Variants in STPG2 observed in about 807,000 individuals in gnomAD.
The protein encoded by STPG2 is sperm tail PG-rich repeat containing 2, also known as sperm-tail PG-rich repeat-containing protein 2.
In STPG2, 56 loss-of-function variants were observed where a neutral mutation model predicts 54.2. That is an observed-to-expected ratio of 1.03 (90% CI 0.83 to 1.29). The LOEUF is 1.29. STPG2 is among the 50% of genes most tolerant of loss of function. The pLI, the probability that STPG2 is intolerant of heterozygous loss-of-function variation, is 0.00. For missense variants in STPG2, 596 were observed against 544.9 expected (o/e 1.09, Z -0.93); for synonymous variants, 200 against 181.8 (o/e 1.10, Z -0.81).
intron 4 of STPG2, among the ~76,000 whole-genome samples, chr4:97,472,918 C>T (rs1409801258): frequency 6.6e-6 from 1 of 152,216 alleles, no homozygotes; most frequent in Non-Finnish European, 1.5e-5. Context: ...TTTATTAGTT[C>T]TCCAAATTAA....
In STPG2 at chr4:97,840,936, A is replaced by C. The variant is rs771051659; in HGVS notation, c.1045-4T>G. 3.1e-6 allele frequency: 5 copies of C among 1,607,750 alleles called. No individual in the cohort carries two copies. Among genetic ancestry groups the C allele is most frequent in the Non-Finnish European group, 4.2e-6 (5 of 1,176,960 alleles). On this transcript the variant is annotated splice_region_variant and splice_polypyrimidine_tract_variant and intron_variant, in intron 8 of 10. Transcript: ENST00000295268. ...AGCTGCCTGGCGCTGGAATAACCTG[A>C]AAAAAAATTTAATAGATGAGCATAA...
At chr4:97,991,461 A>G (rs2865959) in intron 5 of STPG2, among the ~76,000 whole-genome samples, 94,392 of 128,556 alleles carry the variant, frequency 0.73, 32,392 homozygotes, top group Middle Eastern at 0.84. Context: ...GTGTGTGTGT[A>G]TATATATATA....
chr4:97,637,021 C>T (rs1354781964), intron 10 of STPG2, among the ~76,000 whole-genome samples: 11 of 152,130 alleles, frequency 7.2e-5, no homozygotes, highest in South Asian at 2.1e-4. Flanking sequence ...ATACCAAAGC[C>T]GGGCAGAGAC....
intron 8 of STPG2, among the ~76,000 whole-genome samples, chr4:97,908,657 C>T (rs1360873702): frequency 2.0e-5 from 3 of 151,680 alleles, no homozygotes; most frequent in African/African-American, 7.3e-5. Flanking sequence ...AAATGTGGCA[C>T]ATATACACCA....
At chr4:98,070,386 T>C (rs1304333921) in intron 5 of STPG2, among the ~76,000 whole-genome samples, 1 of 151,894 alleles carries the variant, frequency 6.6e-6, no homozygotes, top group Admixed American at 6.6e-5. Flanking sequence ...AAGAGAAATA[T>C]ATGACAAACC....
At chr4:97,913,953 T>A (rs1426601070) in intron 8 of STPG2, among the ~76,000 whole-genome samples, 1 of 152,130 alleles carries the variant, frequency 6.6e-6, no homozygotes, top group Non-Finnish European at 1.5e-5. Context: ...AACATAAAAT[T>A]ATAATTGCAA....
At chr4:97,676,524 A>G (rs1722851543) in intron 10 of STPG2, among the ~76,000 whole-genome samples, 1 of 147,144 alleles carries the variant, frequency 6.8e-6, no homozygotes, top group Non-Finnish European at 1.5e-5. Flanking sequence ...ACTAAAATGC[A>G]GAAAATAGAG....
intron 2 of STPG2, among the ~76,000 whole-genome samples, chr4:98,132,653 A>G (rs1404367897): frequency 6.6e-6 from 1 of 152,000 alleles, no homozygotes; most frequent in Non-Finnish European, 1.5e-5. Context: ...AGCACTTTAC[A>G]ATTAATTTCT....
chr4:97,452,542 C>A (rs62315841), intron 4 of STPG2, among the ~76,000 whole-genome samples: 13 of 152,134 alleles, frequency 8.5e-5, no homozygotes, highest in Non-Finnish European at 1.3e-4. Flanking sequence ...CCCATAAAAG[C>A]CCCAGGCTCA....
chr4:97,963,602 C>T (rs1322678672), intron 7 of STPG2, among the ~76,000 whole-genome samples: 1 of 151,930 alleles, frequency 6.6e-6, no homozygotes, highest in Non-Finnish European at 1.5e-5. Flanking sequence ...GTGCAGTGAG[C>T]CATACCTGCA....
At chr4:98,100,005 A>G (rs765798885) in intron 5 of STPG2, among the ~76,000 whole-genome samples, 7 of 152,188 alleles carry the variant, frequency 4.6e-5, no homozygotes, top group Non-Finnish European at 1.0e-4. Context: ...TAGCTCATGT[A>G]CCTATAAATA....
intron 10 of STPG2, among the ~76,000 whole-genome samples, chr4:97,620,289 C>A (rs777500122): frequency 3.8e-4 from 58 of 152,264 alleles, no homozygotes; most frequent in Non-Finnish European, 6.8e-4. Flanking sequence ...GGAAAATTCC[C>A]TTCTTTGTGA....
chr4:97,981,384 A>G, intron 5 of STPG2, 66 bp from the exon 6 acceptor site: 1 of 1,523,680 alleles, frequency 6.6e-7, no homozygotes, highest in Non-Finnish European at 8.9e-7. Context: ...CATGAGTTAA[A>G]ACCTGCCTTT....
intron 5 of STPG2, among the ~76,000 whole-genome samples, chr4:98,002,786 CGTTTTTTAAA>C (rs1412173066): frequency 1.3e-5 from 2 of 151,914 alleles, no homozygotes; most frequent in African/African-American, 4.8e-5. Flanking sequence ...TTAATAACAG[CGTTTTTTAAA>C]GTTTTTTAAA....
intron 8 of STPG2, among the ~76,000 whole-genome samples, chr4:97,863,661 A>T (rs1369592937): frequency 1.3e-5 from 2 of 152,208 alleles, no homozygotes; most frequent in South Asian, 4.1e-4. Flanking sequence ...AGAATTTTAG[A>T]CCAATATCCC....
At chr4:97,940,868 CATTA>C (rs1455011135) in intron 8 of STPG2, among the ~76,000 whole-genome samples, 2 of 125,920 alleles carry the variant, frequency 1.6e-5, no homozygotes. Context: ...ATGACTTCTT[CATTA>C]ATTATTTTCA....
chr4:97,736,072 C>A (rs985567705), intron 9 of STPG2, among the ~76,000 whole-genome samples: 17 of 152,086 alleles, frequency 1.1e-4, no homozygotes, highest in Non-Finnish European at 2.5e-4. Flanking sequence ...GAAAGGAGAA[C>A]CCTTATACAC....
intron 9 of STPG2, among the ~76,000 whole-genome samples, chr4:97,777,968 C>A (rs1276375790): frequency 6.6e-6 from 1 of 152,154 alleles, no homozygotes; most frequent in Non-Finnish European, 1.5e-5. Context: ...CAACTCCAGT[C>A]TACAGCTCCC....
intron 3 of STPG2, among the ~76,000 whole-genome samples, chr4:98,115,979 T>A (rs1739510278): frequency 6.6e-6 from 1 of 151,860 alleles, no homozygotes; most frequent in South Asian, 2.1e-4. Context: ...CGTTTTTATA[T>A]GTTTTTAAAT....
Sources: allele counts gnomAD v4.1 joint callset (sites outside exome capture counted in the v4.1 genomes callset), GRCh38; gene constraint gnomAD v4.1.1; transcripts MANE v1.5; gene names NCBI Gene and HGNC (gene_info 2026-07-23, HGNC 2026-07-21).